Variants in MIA3 observed in about 807,000 individuals in gnomAD.
The protein encoded by MIA3 is transport and Golgi organization protein 1 homolog.
A neutral mutation model predicts 192.4 loss-of-function variants in MIA3; 90 were observed. The ratio of observed to expected loss-of-function variants is 0.47; its 90% confidence interval spans 0.39 to 0.56. MIA3 has a LOEUF of 0.56. MIA3 is among the 20% of genes least tolerant of loss of function. The pLI, the probability that MIA3 is intolerant of heterozygous loss-of-function variation, is 0.00. For missense variants in MIA3, 2,123 were observed against 2,269.4 expected (o/e 0.94, Z 1.31); for synonymous variants, 740 against 792.8 (o/e 0.93, Z 1.12).
rs1319752206 is a variant in MIA3 at position 222,666,731 on chromosome 1, TATTA to T, written c.*1119_*1122del. ...GCGACAGATATTATTCCAAAATTAA[TATTA>T]ATTAATATTTAAACGTTGGTGTTTT... On this transcript the variant is annotated 3_prime_UTR_variant, in exon 28 of 28. Coordinates refer to ENST00000344922, the MANE Select transcript of MIA3 (RefSeq NM_198551.4). 2 of 152,156 alleles carry T rather than the reference TATTA, an allele frequency of 1.3e-5. No homozygotes were observed. Among genetic ancestry groups the T allele is most frequent in the East Asian group, 1.9e-4 (1 of 5,182 alleles). The allele number at this position is 152,156 out of a possible 1,614,324, so 9.4% of individuals were successfully genotyped here. A position where few individuals can be genotyped will look rare whatever the true frequency, so the allele number is the denominator to read the frequency against.
intron 6 of MIA3, chr1:222,641,630 C>A: frequency 1.9e-6 from 1 of 531,454 alleles, no homozygotes. Context: ...AGCACATGTT[C>A]CACATCATGC....
chr1:222,657,688 C>A (rs112234757), intron 18 of MIA3, among the ~76,000 whole-genome samples: 18 of 152,270 alleles, frequency 1.2e-4, no homozygotes, highest in African/African-American at 3.9e-4. Context: ...TTGTTCTGTT[C>A]TTATATGCAC....
intron 1 of MIA3, among the ~76,000 whole-genome samples, chr1:222,618,969 T>C (rs774666102): frequency 2.6e-4 from 40 of 152,118 alleles, no homozygotes; most frequent in Non-Finnish European, 4.4e-4. Flanking sequence ...CCTTGCAGAC[T>C]GCTAGGCAGG....
intron 6 of MIA3, 118 bp downstream of exon 6, chr1:222,633,367 G>A: frequency 1.2e-6 from 1 of 846,384 alleles, no homozygotes; most frequent in Non-Finnish European, 1.8e-6. Flanking sequence ...CTGATCCTTT[G>A]AAGAGAGACC....
At chr1:222,621,420 A>G (rs1487413957) in intron 2 of MIA3, 128 bp downstream of exon 2, 7 of 924,422 alleles carry the variant, frequency 7.6e-6, no homozygotes, top group Non-Finnish European at 1.1e-5. Context: ...CTGACTGTGA[A>G]AAAAGATGGC....
At chr1:222,637,873 G>T (rs1208259344) in intron 6 of MIA3, among the ~76,000 whole-genome samples, 1 of 151,632 alleles carries the variant, frequency 6.6e-6, no homozygotes, top group Non-Finnish European at 1.5e-5. Flanking sequence ...GTAGAGACGG[G>T]GTTTTGCCAT....
chr1:222,618,281 T>C, intron 1 of MIA3, 38 bp downstream of exon 1: 4 of 1,372,208 alleles, frequency 2.9e-6, no homozygotes, highest in Non-Finnish European at 3.8e-6. Flanking sequence ...TCGGGGCGGC[T>C]GGCCTTGGGG....
At chr1:222,633,885 C>G (rs1183316616) in intron 6 of MIA3, among the ~76,000 whole-genome samples, 1 of 151,306 alleles carries the variant, frequency 6.6e-6, no homozygotes, top group Non-Finnish European at 1.5e-5. Context: ...GGGTCTTGCT[C>G]TGTTGCCCAG....
At chr1:222,652,856 C>A in intron 13 of MIA3, 152 bp from the exon 14 acceptor site, 1 of 701,480 alleles carries the variant, frequency 1.4e-6, no homozygotes. Context: ...AGGGTTGGGG[C>A]CACTGTCTCC....
intron 2 of MIA3, among the ~76,000 whole-genome samples, chr1:222,624,012 A>G (rs1310728302): frequency 1.3e-5 from 2 of 152,228 alleles, no homozygotes; most frequent in Non-Finnish European, 2.9e-5. Flanking sequence ...CTTGGGCAAC[A>G]CAGGTTTGAA....
At chr1:222,633,061 T>G in intron 5 of MIA3, 43 bp from the exon 6 acceptor site, 14 of 1,550,110 alleles carry the variant, frequency 9.0e-6, no homozygotes, top group Non-Finnish European at 1.2e-5. Context: ...AAGAGAATTC[T>G]TATTCTAAAG....
intron 3 of MIA3, among the ~76,000 whole-genome samples, chr1:222,626,574 G>A (rs1297885980): frequency 6.6e-6 from 1 of 152,112 alleles, no homozygotes; most frequent in Non-Finnish European, 1.5e-5. Context: ...TTGCTTACTG[G>A]TGGAGGAAGG....
intron 23 of MIA3, 64 bp downstream of exon 23, chr1:222,660,070 T>C (rs1663932363): frequency 6.3e-7 from 1 of 1,584,452 alleles, no homozygotes; most frequent in South Asian, 1.1e-5. Context: ...TATAAGTGAC[T>C]TTTTGTTTCT....
At chr1:222,636,737 C>G (rs1662642917) in intron 6 of MIA3, among the ~76,000 whole-genome samples, 1 of 152,110 alleles carries the variant, frequency 6.6e-6, no homozygotes, top group Non-Finnish European at 1.5e-5. Context: ...TGGTCTCGAA[C>G]TCCTGACCTC....
At chr1:222,637,028 C>T (rs1346023842) in intron 6 of MIA3, among the ~76,000 whole-genome samples, 1 of 152,160 alleles carries the variant, frequency 6.6e-6, no homozygotes, top group Non-Finnish European at 1.5e-5. Context: ...TGTGTGCTGC[C>T]TGTTGTTCTC....
chr1:222,644,488 C>G, intron 6 of MIA3: 2 of 1,550,580 alleles, frequency 1.3e-6, no homozygotes, highest in African/African-American at 2.7e-5. Context: ...GGACTCAGTA[C>G]CTGCCACTGT....
At chr1:222,655,969 T>TC (rs978198076) in intron 18 of MIA3, among the ~76,000 whole-genome samples, 7 of 136,014 alleles carry the variant, frequency 5.1e-5, no homozygotes, top group African/African-American at 1.9e-4. Context: ...TTCCCTTTTT[T>TC]TTTTTTTTTT....
chr1:222,659,858 C>G, intron 22 of MIA3, 48 bp from the exon 23 acceptor site: 1 of 1,604,132 alleles, frequency 6.2e-7, no homozygotes. Flanking sequence ...GAATTGGTTT[C>G]TATTTCATAT....
chr1:222,663,866 T>A, intron 26 of MIA3, 132 bp from the exon 27 acceptor site: 1 of 836,340 alleles, frequency 1.2e-6, no homozygotes, highest in South Asian at 1.8e-5. Flanking sequence ...AGGGGTAGAG[T>A]TTTTTGCACT....
Sources: gnomAD v4.1 joint callset for allele counts (sites outside exome capture counted in the v4.1 genomes callset) on GRCh38, gnomAD v4.1.1 for gene constraint, MANE v1.5 for transcripts, NCBI Gene and HGNC (gene_info 2026-07-23, HGNC 2026-07-21) for gene names.